The following RHBDD3 variants were observed in gnomAD, a reference collection of about 807,000 sequenced individuals.
The protein encoded by RHBDD3 is rhomboid domain containing 3.
RHBDD3 carries 34 observed loss-of-function variants against 32.3 expected under a neutral mutation model. That is an observed-to-expected ratio of 1.05 (90% confidence interval 0.80 to 1.40). The LOEUF (loss-of-function observed/expected upper bound fraction) is 1.40. RHBDD3 is among the 40% of genes most tolerant of loss of function. The pLI is 0.00. For missense variants in RHBDD3, 482 were observed against 492.6 expected (o/e 0.98, Z 0.20); for synonymous variants, 249 against 239.1 (o/e 1.04, Z -0.38).
chr22:29,263,987 G>T lies in RHBDD3; in HGVS notation c.380C>A (p.Ala127Asp). The T allele has an allele frequency of 6.4e-7, 1 of 1,551,926 alleles. No individual in the cohort carries two copies. The highest frequency in any genetic ancestry group is 1.4e-5 in the African/African-American group (1 of 73,408). The change falls in exon 4 of 7, where the codon GCC becomes GAC. Residue 127 changes from alanine (A) to aspartate (D), a missense_variant. Ala to Asp is a moderately radical substitution (Grantham distance 126). Transcript: ENST00000216085. Reference protein sequence around the residue: ...GSCGYMPVHLAMLAGEGHRPR... With the variant: ...GSCGYMPVHLDMLAGEGHRPR... ...GCGGTGTCCCTCCCCAGCCAGCATG[G>T]CCAGGTGGACAGGCATGTATCCACA...
At position 29,264,154 on chromosome 22, in the gene RHBDD3, C is replaced by A; in HGVS notation, c.213G>T (p.Leu71=). 3 of 1,585,188 alleles carry A rather than the reference C, an allele frequency of 1.9e-6. No homozygotes were observed. Among genetic ancestry groups the A allele is most frequent in the Admixed American group, 1.8e-5 (1 of 56,506 alleles). Residue 71 remains leucine (L), a synonymous_variant, in exon 4 of 7, where the codon CTG becomes CTT. Transcript: ENST00000216085. ...TALPGLLLSL[L]LLPTVGWQQE... is the part of the protein sequence containing the mutation. The stretch of plus-strand genomic sequence containing the variant: ...GCTGCCAGCCCACAGTGGGCAGGAG[C>A]AGCAGGCTCAGGAGCAGGCCTGGCA...
Position 29,267,840 on chromosome 22 carries a change from A to C in RHBDD3, c.-287T>G. The C allele has an allele frequency of 4.9e-6, 1 of 205,806 alleles. No individual in the cohort carries two copies. Among genetic ancestry groups the C allele is most frequent in the Non-Finnish European group, 1.0e-5 (1 of 98,184 alleles). The allele number at this position is 205,806 out of a possible 1,614,324, so 12.7% of individuals were successfully genotyped here. A position where few individuals can be genotyped will look rare whatever the true frequency, so the allele number is the denominator to read the frequency against. On this transcript the variant is annotated 5_prime_UTR_variant, in exon 1 of 7. Transcript: ENST00000216085. Reference sequence around the variant, plus strand: ...CCCGGGCGCGACCCGAGAACCCTGAATCCATTCCGCGCACACCCGGCCGCG... The same window carrying C: ...CCCGGGCGCGACCCGAGAACCCTGACTCCATTCCGCGCACACCCGGCCGCG...
At position 29,265,428 on chromosome 22, in the gene RHBDD3, C is replaced by T. The variant is rs773385448; in HGVS notation, c.148+51G>A. On this transcript the variant is annotated intron_variant, in intron 3 of 6. Transcript: ENST00000216085. ...GCTGCTCCTGCCAAGTGGGCCCAGG[C>T]CCTACAGCAAGTCTCCTGCTTCCTC... The T allele has an allele frequency of 4.2e-6, 6 of 1,444,812 alleles. No individual in the cohort carries two copies. In the East Asian group the frequency reaches 1.1e-4, roughly 25 times the overall value. The allele number at this position is 1,444,812 out of a possible 1,614,324, so 89.5% of individuals were successfully genotyped here. A position where few individuals can be genotyped will look rare whatever the true frequency, so the allele number is the denominator to read the frequency against.
At chr22:29,261,430 A>G in intron 4 of RHBDD3, 1 of 436,900 alleles carries the variant, frequency 2.3e-6, no homozygotes, top group Non-Finnish European at 4.6e-6. Flanking sequence ...CCGTCTCTAC[A>G]AAAAATTTTT....
chr22:29,264,305 C>T (rs756286967), intron 3 of RHBDD3, 87 bp from the exon 4 acceptor site: 8 of 1,437,766 alleles, frequency 5.6e-6, no homozygotes, highest in Non-Finnish European at 7.3e-6. Flanking sequence ...GGTTACGCTA[C>T]ACCAGGGCCA....
At chr22:29,261,191 T>C in intron 4 of RHBDD3, 2 of 552,042 alleles carry the variant, frequency 3.6e-6, no homozygotes, top group Non-Finnish European at 6.9e-6. Context: ...AGAAGTCCCA[T>C]GGACACACCT....
intron 3 of RHBDD3, 109 bp from the exon 4 acceptor site, chr22:29,264,327 C>T: frequency 2.1e-6 from 3 of 1,433,562 alleles, no homozygotes; most frequent in East Asian, 2.6e-5. Context: ...CTGCTGAGCC[C>T]ACCTCCCCTC....
upstream of RHBDD3, chr22:29,268,094 C>A: frequency 1.7e-6 from 1 of 604,378 alleles, no homozygotes; most frequent in Non-Finnish European, 3.0e-6. Flanking sequence ...CTCACCCCCG[C>A]TCTGGCCCCT....
intron 4 of RHBDD3, 81 bp from the exon 5 acceptor site, chr22:29,260,945 T>C: frequency 1.5e-6 from 2 of 1,352,166 alleles, no homozygotes; most frequent in East Asian, 2.5e-5. Context: ...CCAGGCCCCA[T>C]GCCAAGTGTG....
chr22:29,261,406 G>T (rs184695694), intron 4 of RHBDD3: 1 of 456,608 alleles, frequency 2.2e-6, no homozygotes, highest in South Asian at 1.6e-5. Context: ...AGACCAGCCT[G>T]GGCAACATAG....
At chr22:29,266,405 C>T (rs566361377) in intron 2 of RHBDD3, among the ~76,000 whole-genome samples, 1 of 152,314 alleles carries the variant, frequency 6.6e-6, no homozygotes, top group Admixed American at 6.5e-5. Context: ...AATGGAAATT[C>T]ATAAATTCTT....
At position 29,260,114 on chromosome 22, in the gene RHBDD3, C is replaced by T; in HGVS notation, c.1107G>A (p.Leu369=). The part of the protein sequence containing the change: ...LVGGQVGTET[L]VTHGKGGPAH... ...CAGGCCCACCCTTTCCATGGGTCAC[C>T]AGGGTCTCAGTGCCCACTTGTCCTC... is the stretch of plus-strand genomic sequence containing the variant. Residue 369 remains leucine, a synonymous_variant, in exon 7 of 7, where the codon CTG becomes CTA. Transcript: ENST00000216085. 6.3e-7 allele frequency: 1 copy of T among 1,584,264 alleles called. No homozygotes were observed. Among genetic ancestry groups the T allele is most frequent in the Non-Finnish European group, 8.6e-7 (1 of 1,165,580 alleles).
chr22:29,260,643 A>AC, intron 5 of RHBDD3, 30 bp from the exon 6 acceptor site: 2 of 1,561,388 alleles, frequency 1.3e-6, no homozygotes, highest in Non-Finnish European at 1.7e-6. Flanking sequence ...AGAGGGCCTG[A>AC]CTGGCAGCCC....
intron 3 of RHBDD3, 59 bp downstream of exon 3, chr22:29,265,420 G>A: frequency 7.1e-7 from 1 of 1,411,952 alleles, no homozygotes; most frequent in Non-Finnish European, 9.3e-7. Context: ...CTGCCAAGTG[G>A]GCCCAGGCCC....
In RHBDD3 at chr22:29,263,963, CGGTGTCCCTCCCCAGCCAGCATGGCCA is replaced by C; in HGVS notation, c.377_403del (p.Leu126_His134del). 6.4e-7 allele frequency: 1 copy of C among 1,550,696 alleles called. No homozygotes were observed. Among genetic ancestry groups the C allele is most frequent in the Non-Finnish European group, 8.7e-7 (1 of 1,147,238 alleles). ...CAGTGCCCCACGGGGCCGTCTAGGG[CGGTGTCCCTCCCCAGCCAGCATGGCCA>C]GGTGGACAGGCATGTATCCACAGCT... is the stretch of plus-strand genomic sequence containing the variant. On this transcript the variant is annotated inframe_deletion, in exon 4 of 7. Coordinates refer to ENST00000216085, the MANE Select transcript of RHBDD3 (RefSeq NM_012265.3).
At chr22:29,263,315 T>C in intron 4 of RHBDD3, among the ~76,000 whole-genome samples, 1 of 152,264 alleles carries the variant, frequency 6.6e-6, no homozygotes, top group Non-Finnish European at 1.5e-5. Flanking sequence ...AGTGTTGGGA[T>C]TACAGGCATG....
At chr22:29,264,475 C>T (rs2058155254) in intron 3 of RHBDD3, 1 of 1,282,468 alleles carries the variant, frequency 7.8e-7, no homozygotes, top group Non-Finnish European at 9.9e-7. Flanking sequence ...ACTGACAACC[C>T]GCTACAGAGC....
In RHBDD3 at chr22:29,260,468, T is replaced by C. The variant is rs1250431692; in HGVS notation, c.841A>G (p.Ser281Gly). 1 of 1,609,062 alleles carries C rather than the reference T, an allele frequency of 6.2e-7. No homozygotes were observed. Among genetic ancestry groups the C allele is most frequent in the East Asian group, 2.2e-5 (1 of 44,730 alleles). Residue 281 changes from serine to glycine, a missense_variant, in exon 6 of 7, where the codon AGC (serine) becomes GGC (glycine). Transcript: ENST00000216085. ...SEAGLDWAGA[S>G]FSPGTPMWAA... ...CACATCGGAGTCCCTGGGGAGAAGC[T>C]GGCCCCAGCCCAGTCCAGGCCTGCC... is the stretch of plus-strand genomic sequence containing the variant.
At chr22:29,261,231 T>C in intron 4 of RHBDD3, 1 of 510,114 alleles carries the variant, frequency 2.0e-6, no homozygotes. Flanking sequence ...CCTGGATAAC[T>C]CCTGTCACCA....
Sources: gnomAD v4.1 joint callset for allele counts (sites outside exome capture counted in the v4.1 genomes callset) on GRCh38, gnomAD v4.1.1 for gene constraint, MANE v1.5 for transcripts, NCBI Gene and HGNC (gene_info 2026-07-23, HGNC 2026-07-21) for gene names.